Variants in PDE4D observed in about 807,000 individuals in gnomAD.
The protein encoded by PDE4D is 3',5'-cyclic-AMP phosphodiesterase 4D.
PDE4D carries 24 observed loss-of-function variants against 87.4 expected under a neutral mutation model. The ratio of observed to expected loss-of-function variants is 0.27; its 90% CI spans 0.20 to 0.39. PDE4D has a LOEUF of 0.39. Among genes scored for constraint, PDE4D ranks in the 10% least tolerant of loss-of-function variants. PDE4D has a pLI of 1.00. For synonymous variants in PDE4D, 384 were observed against 383.2 expected, an observed-to-expected ratio of 1.00 and a Z score of -0.02; for missense variants, 714 against 1,041.0, an observed-to-expected ratio of 0.69 and a Z score of 4.32.
intron 1 of PDE4D, among the ~76,000 whole-genome samples, chr5:59,221,645 T>G (rs1475523932): frequency 6.6e-6 from 1 of 152,108 alleles, no homozygotes; most frequent in Non-Finnish European, 1.5e-5. Flanking sequence ...AAAAAAAGTT[T>G]TCATATGACC....
chr5:59,252,718 G>C (rs1019757768), intron 1 of PDE4D, among the ~76,000 whole-genome samples: 1 of 151,868 alleles, frequency 6.6e-6, no homozygotes, highest in Non-Finnish European at 1.5e-5. Flanking sequence ...GTAGAGACAG[G>C]GTCTTCCTAT....
At position 59,830,991 on chromosome 5, in the gene PDE4D, T is replaced by C. The variant is rs144475496; in HGVS notation, c.455+62177A>G. 1.5e-3 allele frequency among the ~76,000 whole-genome samples: 225 copies of C among 152,204 alleles called. 1 individual carries two copies. The highest frequency in any genetic ancestry group is 5.2e-3 in the African/African-American group (217 of 41,556). ...GCTGTAAATGTGCTAAAAGGGCTTT[T>C]CTTTTGGGACAGTAATGGTTTGACT... On this transcript the variant is annotated intron_variant, in intron 1 of 14. Transcript: ENST00000340635.
chr5:59,327,545 G>A (rs1466300508), intron 1 of PDE4D, among the ~76,000 whole-genome samples: 1 of 152,106 alleles, frequency 6.6e-6, no homozygotes, highest in Non-Finnish European at 1.5e-5. Flanking sequence ...TGAAAAAATT[G>A]AAAATTAATA....
chr5:59,480,036 T>C (rs1247537461), intron 1 of PDE4D, among the ~76,000 whole-genome samples: 1 of 152,096 alleles, frequency 6.6e-6, no homozygotes, highest in African/African-American at 2.4e-5. Context: ...GCATACAGAT[T>C]GGTCTCTTGG....
intron 1 of PDE4D, among the ~76,000 whole-genome samples, chr5:59,261,917 C>A (rs946622305): frequency 6.6e-6 from 1 of 151,714 alleles, no homozygotes; most frequent in Non-Finnish European, 1.5e-5. Context: ...TCTCTCTAAC[C>A]CAGGGAAAGT....
chr5:60,235,307 C>A (rs1375581061), intron 1 of PDE4D, among the ~76,000 whole-genome samples: 1 of 151,700 alleles, frequency 6.6e-6, no homozygotes, highest in Non-Finnish European at 1.5e-5. Flanking sequence ...CATATAGTGA[C>A]CCCATTATGA....
chr5:60,106,483 G>A (rs1321109006), intron 2 of PDE4D, among the ~76,000 whole-genome samples: 2 of 152,074 alleles, frequency 1.3e-5, no homozygotes, highest in African/African-American at 2.4e-5. Flanking sequence ...CCCAGGAATT[G>A]AACTCACCTT....
At chr5:60,265,250 A>G (rs1312170705) in intron 1 of PDE4D, among the ~76,000 whole-genome samples, 1 of 152,172 alleles carries the variant, frequency 6.6e-6, no homozygotes, top group Non-Finnish European at 1.5e-5. Flanking sequence ...CAGGGGCCAC[A>G]CTCAGGAAAG....
intron 1 of PDE4D, among the ~76,000 whole-genome samples, chr5:59,609,881 C>A (rs554841300): frequency 7.2e-5 from 11 of 152,176 alleles, no homozygotes; most frequent in Non-Finnish European, 1.5e-4. Context: ...TAATCATATC[C>A]CGGAAATACA....
intron 1 of PDE4D, among the ~76,000 whole-genome samples, chr5:59,253,345 T>TA (rs1760341643): frequency 6.6e-6 from 1 of 152,116 alleles, no homozygotes; most frequent in African/African-American, 2.4e-5. Flanking sequence ...CAAAATAAAA[T>TA]ATGACTTCTC....
intron 2 of PDE4D, among the ~76,000 whole-genome samples, chr5:59,200,891 A>T (rs1314887710): frequency 1.3e-5 from 2 of 152,044 alleles, no homozygotes; most frequent in Non-Finnish European, 2.9e-5. Flanking sequence ...ACTATTATGG[A>T]CTACATACTT....
At chr5:59,748,469 C>T (rs1027124244) in intron 1 of PDE4D, among the ~76,000 whole-genome samples, 1 of 152,050 alleles carries the variant, frequency 6.6e-6, no homozygotes, top group African/African-American at 2.4e-5. Context: ...TACTATGCAG[C>T]CATAAAAAAG....
At chr5:59,114,866 G>T (rs921911877) in intron 5 of PDE4D, among the ~76,000 whole-genome samples, 1 of 150,742 alleles carries the variant, frequency 6.6e-6, no homozygotes, top group Non-Finnish European at 1.5e-5. Context: ...TAACTTCAAG[G>T]GGGTAGAGGA....
chr5:59,026,620 G>T (rs1257411065), intron 6 of PDE4D, among the ~76,000 whole-genome samples: 1 of 151,978 alleles, frequency 6.6e-6, no homozygotes, highest in East Asian at 1.9e-4. Context: ...AGAGTTAAGA[G>T]AATTACAAAT....
rs181746757 is a variant in PDE4D at position 60,123,311 on chromosome 5, T to C, written c.42+62246A>G. 6.4e-3 allele frequency among the ~76,000 whole-genome samples: 969 copies of C among 152,310 alleles called. 11 individuals carry two copies. Among genetic ancestry groups the C allele is most frequent in the African/African-American group, 0.022 (917 of 41,572 alleles). ...TTTACTGTATTAGTCCATTTTCACA[T>C]TGCTTATAAAGACATACCCGAGACT... is the stretch of plus-strand genomic sequence containing the variant. On this transcript the variant is annotated intron_variant, in intron 2 of 16. Transcript: ENST00000502484.
At chr5:60,047,456 T>C (rs935338516) in intron 2 of PDE4D, among the ~76,000 whole-genome samples, 21 of 152,336 alleles carry the variant, frequency 1.4e-4, no homozygotes, top group African/African-American at 4.8e-4. Flanking sequence ...TTAATTGTGA[T>C]GTTAGGGTGT....
At chr5:60,385,321 C>T (rs1439512258) in intron 1 of PDE4D, among the ~76,000 whole-genome samples, 2 of 152,228 alleles carry the variant, frequency 1.3e-5, no homozygotes, top group Admixed American at 1.3e-4. Context: ...TCACCGGGAA[C>T]CTCCAAGATA....
At chr5:59,291,292 G>A (rs1482447581) in intron 1 of PDE4D, among the ~76,000 whole-genome samples, 1 of 152,070 alleles carries the variant, frequency 6.6e-6, no homozygotes, top group Non-Finnish European at 1.5e-5. Context: ...AATACGGATG[G>A]AAGTGGAGAT....
intron 3 of PDE4D, among the ~76,000 whole-genome samples, chr5:59,943,785 G>A (rs887074251): frequency 1.3e-5 from 2 of 152,126 alleles, no homozygotes; most frequent in Non-Finnish European, 2.9e-5. Context: ...TGCCCCTAAG[G>A]AATGAGATTG....
Sources: gnomAD v4.1 joint callset for allele counts (sites outside exome capture counted in the v4.1 genomes callset) on GRCh38, gnomAD v4.1.1 for gene constraint, MANE v1.5 for transcripts, NCBI Gene and HGNC (gene_info 2026-07-23, HGNC 2026-07-21) for gene names.